Variants in TCF7L2 observed in about 807,000 individuals in gnomAD.
TCF7L2 encodes transcription factor 7 like 2, also known as transcription factor 7-like 2.
A neutral mutation model predicts 77.9 loss-of-function variants in TCF7L2; 23 were observed. The observed-to-expected ratio is 0.30, with a 90% confidence interval of 0.21 to 0.42. The LOEUF (loss-of-function observed/expected upper bound fraction) is 0.42, where lower values mean the gene tolerates loss of function less well. Ranked by LOEUF, TCF7L2 falls within the 10% of genes least tolerant of loss-of-function variation. The pLI, the probability that TCF7L2 is intolerant of heterozygous loss-of-function variation, is 1.00. For synonymous variants in TCF7L2, 413 were observed against 340.2 expected, an observed-to-expected ratio of 1.21 and a Z score of -2.36; for missense variants, 654 against 793.1, an observed-to-expected ratio of 0.82 and a Z score of 2.11.
intron 5 of TCF7L2, among the ~76,000 whole-genome samples, chr10:113,055,402 T>C (rs2055213360): frequency 6.6e-6 from 1 of 152,232 alleles, no homozygotes; most frequent in Admixed American, 6.5e-5. Context: ...TATTTTCTCC[T>C]CTGTGGCTTG....
At chr10:113,126,580 C>T (rs2065645925) in intron 5 of TCF7L2, 1 of 985,164 alleles carries the variant, frequency 1.0e-6, no homozygotes, top group Non-Finnish European at 1.2e-6. Flanking sequence ...TTTAAACGCC[C>T]CCTCCCTTTT....
chr10:113,126,174 T>A (rs1207298924), intron 5 of TCF7L2: 2 of 151,908 alleles, frequency 1.3e-5, no homozygotes, highest in Non-Finnish European at 2.9e-5. Context: ...TTCTTTTACA[T>A]ATGGGTGTTT....
chr10:112,995,945 A>G (rs777463832), intron 4 of TCF7L2, among the ~76,000 whole-genome samples: 26 of 152,274 alleles, frequency 1.7e-4, no homozygotes, highest in South Asian at 1.2e-3. Flanking sequence ...ATTTCCAGTG[A>G]CTGTAGGGAT....
chr10:113,064,226 A>G (rs2056931867), intron 5 of TCF7L2, among the ~76,000 whole-genome samples: 5 of 152,176 alleles, frequency 3.3e-5, no homozygotes, highest in Admixed American at 3.3e-4. Flanking sequence ...AAGGAGCCTA[A>G]TACCTGTCAG....
In TCF7L2 at chr10:112,951,463, TCG is replaced by T; in HGVS notation, c.257-18_257-17del. 1 of 1,403,192 alleles carries T rather than the reference TCG, an allele frequency of 7.1e-7. No homozygotes were observed. The highest frequency in any genetic ancestry group is 9.5e-7 in the Non-Finnish European group (1 of 1,053,688). The allele number at this position is 1,403,192 out of a possible 1,614,324, so 86.9% of individuals were successfully genotyped here. A position where few individuals can be genotyped will look rare whatever the true frequency, so the allele number is the denominator to read the frequency against. ...GCTCCGCGCGGCCGCCGCTGTCCCC[TCG>T]CCGCCCCGCCATGTTAGCGGCCAAG... On this transcript the variant is annotated intron_variant, in intron 2 of 13. Coordinates refer to ENST00000627217, the MANE Select transcript of TCF7L2 (RefSeq NM_001146274.2).
chr10:113,008,361 T>G (rs911268188), intron 4 of TCF7L2, among the ~76,000 whole-genome samples: 2 of 152,190 alleles, frequency 1.3e-5, no homozygotes, highest in African/African-American at 4.8e-5. Context: ...CTTTAGCCTC[T>G]CAGTGCCCCC....
rs566309186 is a variant in TCF7L2 at position 113,137,062 on chromosome 10, T to A, written c.553-4122T>A. The stretch of plus-strand genomic sequence containing the variant: ...AACTTTCAGCTCCTCTGTGGCAATC[T>A]CATTTATTGGCATAGTAAAGTGATG... On this transcript the variant is annotated intron_variant, in intron 5 of 13. Coordinates refer to ENST00000627217, the MANE Select transcript of TCF7L2 (RefSeq NM_001146274.2). Among the ~76,000 whole-genome samples, 136 of 152,094 alleles carry A rather than the reference T, an allele frequency of 8.9e-4. 3 individuals carry two copies. The South Asian group carries it at 0.028, about 31-fold the overall frequency.
At chr10:113,098,972 T>C (rs1476416775) in intron 5 of TCF7L2, among the ~76,000 whole-genome samples, 1 of 152,188 alleles carries the variant, frequency 6.6e-6, no homozygotes, top group Non-Finnish European at 1.5e-5. Context: ...AATTTTTCAC[T>C]GTTGATTGTC....
intron 5 of TCF7L2, among the ~76,000 whole-genome samples, chr10:113,113,571 G>A (rs1184821278): frequency 6.6e-6 from 1 of 152,130 alleles, no homozygotes; most frequent in Non-Finnish European, 1.5e-5. Context: ...TTAGAACAGT[G>A]TTCACCCCCT....
At chr10:113,138,977 C>A (rs1301435743) in intron 5 of TCF7L2, among the ~76,000 whole-genome samples, 2 of 152,166 alleles carry the variant, frequency 1.3e-5, no homozygotes, top group Non-Finnish European at 2.9e-5. Context: ...CTAGCCCTTT[C>A]TCTTCCCATG....
chr10:113,078,919 G>A (rs1177560304), intron 5 of TCF7L2, among the ~76,000 whole-genome samples: 5 of 151,286 alleles, frequency 3.3e-5, no homozygotes, highest in African/African-American at 9.7e-5. Flanking sequence ...TGCAACCTCC[G>A]CCTCCTGGGT....
intron 13 of TCF7L2, among the ~76,000 whole-genome samples, chr10:113,164,767 C>CGTTTTTT (rs376832334): frequency 6.7e-6 from 1 of 149,498 alleles, no homozygotes; most frequent in Non-Finnish European, 1.5e-5. Context: ...TTTTTTGTTT[C>CGTTTTTT]GTTTTTTGTT....
intron 4 of TCF7L2, among the ~76,000 whole-genome samples, chr10:112,998,981 C>A (rs2043996790): frequency 6.6e-6 from 1 of 152,144 alleles, no homozygotes; most frequent in South Asian, 2.1e-4. Flanking sequence ...TGTGCTTTCC[C>A]CCCAGCAAAG....
rs1386265730 is a variant in TCF7L2 at position 112,981,834 on chromosome 10, CT to C, written c.450+17211del. On this transcript the variant is annotated intron_variant, in intron 4 of 13. Transcript: ENST00000627217. ...TTGTGGTTTCCTTTTGCCATCACAG[CT>C]CTTACATTTGGCTGCATGGGAACCA... Among the ~76,000 whole-genome samples, 7 of 152,294 alleles carry C rather than the reference CT, an allele frequency of 4.6e-5. No homozygotes were observed. In the East Asian group the frequency reaches 1.4e-3, roughly 29 times the overall value.
chr10:113,070,870 T>C (rs549603320), intron 5 of TCF7L2, among the ~76,000 whole-genome samples: 40 of 152,320 alleles, frequency 2.6e-4, no homozygotes, highest in African/African-American at 4.6e-4. Flanking sequence ...GCGAGCATCG[T>C]CACAGTCAAT....
chr10:113,073,815 G>C (rs1407201533), intron 5 of TCF7L2, among the ~76,000 whole-genome samples: 3 of 152,184 alleles, frequency 2.0e-5, no homozygotes, highest in African/African-American at 7.2e-5. Context: ...ACACCGGACT[G>C]CCTGGCCCTG....
At chr10:113,152,896 C>A (rs563974787) in intron 11 of TCF7L2, among the ~76,000 whole-genome samples, 9 of 152,152 alleles carry the variant, frequency 5.9e-5, no homozygotes, top group Non-Finnish European at 8.8e-5. Context: ...GGCCCTTTAC[C>A]GTTAAGAAGG....
intron 5 of TCF7L2, among the ~76,000 whole-genome samples, chr10:113,119,772 G>A (rs1370497307): frequency 6.6e-6 from 1 of 152,000 alleles, no homozygotes; most frequent in Non-Finnish European, 1.5e-5. Context: ...TTATGGATTG[G>A]ATTAGTTGAG....
In TCF7L2 at chr10:113,094,825, AG is replaced by A. The variant is rs2060773727; in HGVS notation, c.553-46358del. Among the ~76,000 whole-genome samples the A allele has an allele frequency of 2.6e-5, 4 of 152,266 alleles. No homozygotes were observed. In the South Asian group the frequency reaches 8.3e-4, roughly 32 times the overall value. On this transcript the variant is annotated intron_variant, in intron 5 of 13. Transcript: ENST00000627217. ...CCCAATGAACTCAGACTGTTTCCAA[AG>A]TTCCGCTGTTGGCCGGGCACTGTGG...
Sources: allele counts gnomAD v4.1 joint callset (sites outside exome capture counted in the v4.1 genomes callset), GRCh38; gene constraint gnomAD v4.1.1; transcripts MANE v1.5; gene names NCBI Gene and HGNC (gene_info 2026-07-23, HGNC 2026-07-21).